MTF2: variants seen among roughly 807,000 people sequenced by gnomAD.
The protein encoded by MTF2 is metal-response element-binding transcription factor 2.
A neutral mutation model predicts 79.5 loss-of-function variants in MTF2; 11 were observed. That is an observed-to-expected ratio of 0.14 (90% CI 0.09 to 0.23). The LOEUF (loss-of-function observed/expected upper bound fraction) is 0.23. MTF2 is among the 10% of genes least tolerant of loss of function. MTF2 has a pLI of 1.00. For missense variants in MTF2, 486 were observed against 711.2 expected, an observed-to-expected ratio of 0.68 and a Z score of 3.60; for synonymous variants, 208 against 232.8, an observed-to-expected ratio of 0.89 and a Z score of 0.97.
chr1:93,137,117 T>TA lies in MTF2; in HGVS notation c.*90_*91insA. On this transcript the variant is annotated 3_prime_UTR_variant, in exon 15 of 15. Transcript: ENST00000370298. The stretch of plus-strand genomic sequence containing the variant: ...AGGAGTCTGGCTTTTACTATCTTTC[T>TA]TAAAAAAAAAAAAAAGTCAAAAAAA... 1 of 1,093,058 alleles carries TA rather than the reference T, an allele frequency of 9.1e-7. No individual in the cohort carries two copies. The highest frequency in any genetic ancestry group is 1.3e-6 in the Non-Finnish European group (1 of 787,494). The allele number at this position is 1,093,058 out of a possible 1,614,324, so 67.7% of individuals were successfully genotyped here.
chr1:93,129,268 A>T lies in MTF2; in HGVS notation c.990-10A>T. 5 of 1,521,776 alleles carry T rather than the reference A, an allele frequency of 3.3e-6. No individual in the cohort carries two copies. Among genetic ancestry groups the T allele is most frequent in the Non-Finnish European group, 4.4e-6 (5 of 1,128,442 alleles). 94.3% of individuals were successfully genotyped at this position (1,521,776 alleles called of 1,614,324 possible). A position where few individuals can be genotyped will look rare whatever the true frequency, so the allele number is the denominator to read the frequency against. On this transcript the variant is annotated splice_polypyrimidine_tract_variant and intron_variant, in intron 10 of 14. Coordinates refer to ENST00000370298, the MANE Select transcript of MTF2 (RefSeq NM_007358.4). The stretch of plus-strand genomic sequence containing the variant: ...TTTTAAAATTTTAGTTAATTTTTTT[A>T]AAAATTTAGGTTTATGTCTGGGAAA...
rs144082754 is a variant in MTF2 at position 93,118,357 on chromosome 1, G to A, written c.645G>A (p.Lys215=). The change falls in exon 7 of 15, where the codon AAG becomes AAA. Residue 215 remains lysine, a synonymous_variant. Coordinates refer to ENST00000370298, the MANE Select transcript of MTF2 (RefSeq NM_007358.4). ...YCGGPGDWYL[K]MLQCCKCKQW... ...TTTTTTTTAATAGCTGGTATTTGAA[G>A]ATGCTACAGTGCTGCAAATGTAAGC... The A allele has an allele frequency of 2.6e-6, 4 of 1,565,016 alleles. No individual in the cohort carries two copies. The highest frequency in any genetic ancestry group is 2.6e-6 in the Non-Finnish European group (3 of 1,156,274).
At chr1:93,079,617 G>A in intron 1 of MTF2, 86 bp downstream of exon 1, 4 of 1,514,260 alleles carry the variant, frequency 2.6e-6, no homozygotes, top group Admixed American at 1.7e-5. Context: ...GTATAAAAGG[G>A]AAAGATGGAG....
At chr1:93,134,246 TTTC>T in intron 14 of MTF2, 51 bp downstream of exon 14, 1 of 1,347,076 alleles carries the variant, frequency 7.4e-7, no homozygotes. Flanking sequence ...CTAGATTTCT[TTTC>T]TTTGTAAAGT....
At chr1:93,107,770 A>G (rs778103401) in intron 1 of MTF2, among the ~76,000 whole-genome samples, 2 of 147,684 alleles carry the variant, frequency 1.4e-5, no homozygotes, top group Non-Finnish European at 3.0e-5. Context: ...CCTTCCTTCC[A>G]TTTTTCTCTT....
intron 1 of MTF2, among the ~76,000 whole-genome samples, chr1:93,095,458 A>G (rs1448784487): frequency 6.6e-6 from 1 of 152,092 alleles, no homozygotes; most frequent in South Asian, 2.1e-4. Flanking sequence ...CTCCTGCCTC[A>G]GCCTCCCAGG....
chr1:93,105,362 C>A (rs941324245), intron 1 of MTF2, among the ~76,000 whole-genome samples: 2 of 152,056 alleles, frequency 1.3e-5, no homozygotes, highest in African/African-American at 2.4e-5. Context: ...TATTCTACCC[C>A]CCATCCCCAA....
chr1:93,085,585 C>G (rs749555358), intron 1 of MTF2, among the ~76,000 whole-genome samples: 3 of 150,976 alleles, frequency 2.0e-5, no homozygotes, highest in Non-Finnish European at 3.0e-5. Context: ...CTCCCGGGCT[C>G]AAGTGATCCT....
intron 1 of MTF2, among the ~76,000 whole-genome samples, chr1:93,084,753 G>A (rs888726736): frequency 2.0e-5 from 3 of 152,090 alleles, no homozygotes; most frequent in African/African-American, 7.2e-5. Context: ...CTACTCAGGA[G>A]GCTGAGGCAG....
intron 11 of MTF2, among the ~76,000 whole-genome samples, chr1:93,132,598 T>C (rs1038904451): frequency 6.6e-6 from 1 of 152,218 alleles, no homozygotes; most frequent in Non-Finnish European, 1.5e-5. Flanking sequence ...ATCCCATCCA[T>C]CTTATTCTTG....
At chr1:93,130,458 T>TC (rs1656872539) in intron 11 of MTF2, among the ~76,000 whole-genome samples, 1 of 152,062 alleles carries the variant, frequency 6.6e-6, no homozygotes, top group East Asian at 1.9e-4. Flanking sequence ...TTGCCTGTAG[T>TC]CCCAGCTACT....
intron 14 of MTF2, among the ~76,000 whole-genome samples, chr1:93,134,740 T>C (rs932806491): frequency 1.3e-5 from 2 of 151,580 alleles, no homozygotes; most frequent in African/African-American, 2.4e-5. Flanking sequence ...CCCAGGCTGG[T>C]CTTGAACTCC....
intron 1 of MTF2, among the ~76,000 whole-genome samples, chr1:93,087,127 GTTTCAGATTTTGAAGCA>G (rs564888204): frequency 3.3e-5 from 5 of 152,176 alleles, no homozygotes; most frequent in African/African-American, 7.2e-5. Context: ...TGCTTAGAAA[GTTTCAGATTTTGAAGCA>G]TTTCAGATTT....
rs777671958 is a variant in MTF2 at position 93,110,290 on chromosome 1, A to G, written c.66A>G (p.Gln22=). Residue 22 remains glutamine, a synonymous_variant, in exon 2 of 15, where the codon CAA becomes CAG. Coordinates refer to ENST00000370298, the MANE Select transcript of MTF2 (RefSeq NM_007358.4). ...VHKRSPLRRN[Q]KTPTSLTKLS... ...AGCGGTCTCCTTTACGTCGAAACCA[A>G]AAGACCCCAACATCCTTGACCAAGC... The G allele has an allele frequency of 1.2e-6, 2 of 1,614,158 alleles. No individual in the cohort carries two copies. Among genetic ancestry groups the G allele is most frequent in the East Asian group, 4.5e-5 (2 of 44,878 alleles).
rs1267028824 is a variant in MTF2, at chr1:93,134,264, A to G, written c.1424+69A>G. On this transcript the variant is annotated intron_variant, in intron 14 of 14. Transcript: ENST00000370298. ...GATTTCTTTTCTTTGTAAAGTGTTGATTGAATAATTTTTTAGCAATTGAAA... is the reference window on the plus strand; with the variant it reads ...GATTTCTTTTCTTTGTAAAGTGTTGGTTGAATAATTTTTTAGCAATTGAAA... 4.2e-6 allele frequency: 5 copies of G among 1,191,306 alleles called. No homozygotes were observed. In the Admixed American group the frequency reaches 1.1e-4, roughly 27 times the overall value. The allele number at this position is 1,191,306 out of a possible 1,614,324, so 73.8% of individuals were successfully genotyped here.
At chr1:93,127,024 T>G (rs1194883094) in intron 9 of MTF2, among the ~76,000 whole-genome samples, 2 of 152,168 alleles carry the variant, frequency 1.3e-5, no homozygotes, top group Non-Finnish European at 2.9e-5. Flanking sequence ...GATTTATACT[T>G]CATTTTTTAT....
chr1:93,111,983 A>T (rs369880634), intron 3 of MTF2, among the ~76,000 whole-genome samples: 7 of 152,074 alleles, frequency 4.6e-5, no homozygotes, highest in African/African-American at 1.7e-4. Context: ...CCTTTTGTCT[A>T]CTTCCTCCTT....
intron 6 of MTF2, among the ~76,000 whole-genome samples, chr1:93,117,972 A>G (rs1467803631): frequency 1.3e-5 from 2 of 152,120 alleles, no homozygotes; most frequent in Non-Finnish European, 2.9e-5. Context: ...TGCATGAGCC[A>G]TGGTCATGCT....
rs1346539276 is a variant in MTF2 at position 93,138,899 on chromosome 1, T to C, written c.*1872T>C. ...CAGCAGTATTTTTAGAAATTTTTCT[T>C]TAACATACTTGGAAGATGATTTATC... On this transcript the variant is annotated 3_prime_UTR_variant, in exon 15 of 15. Transcript: ENST00000370298. 2 of 152,246 alleles carry C rather than the reference T, an allele frequency of 1.3e-5. No individual in the cohort carries two copies. The highest frequency in any genetic ancestry group is 1.3e-4 in the Admixed American group (2 of 15,286). The allele number at this position is 152,246 out of a possible 1,614,324, so 9.4% of individuals were successfully genotyped here.
Sources: allele counts gnomAD v4.1 joint callset (sites outside exome capture counted in the v4.1 genomes callset), GRCh38; gene constraint gnomAD v4.1.1; transcripts MANE v1.5; gene names NCBI Gene and HGNC (gene_info 2026-07-23, HGNC 2026-07-21).